ATP8B4: variants seen among roughly 807,000 people sequenced by gnomAD.
ATP8B4 encodes probable phospholipid-transporting ATPase IM.
Under a neutral mutation model 145.6 loss-of-function variants are expected in ATP8B4, and 133 were observed. The observed-to-expected ratio is 0.91, with a 90% CI of 0.79 to 1.05. ATP8B4 has a LOEUF of 1.05. Ranked by LOEUF, ATP8B4 falls within the 50% of genes least tolerant of loss-of-function variation. ATP8B4 has a pLI of 0.00. For missense variants in ATP8B4, 1,458 were observed against 1,425.2 expected (o/e 1.02, Z -0.37); for synonymous variants, 507 against 492.9 (o/e 1.03, Z -0.38).
intron 1 of ATP8B4, among the ~76,000 whole-genome samples, chr15:50,133,185 G>A (rs903704789): frequency 6.6e-6 from 1 of 152,120 alleles, no homozygotes; most frequent in African/African-American, 2.4e-5. Flanking sequence ...CCTTCCATTT[G>A]TGACAACCTA....
At chr15:50,117,239 G>T (rs909573556) in intron 1 of ATP8B4, among the ~76,000 whole-genome samples, 7 of 151,898 alleles carry the variant, frequency 4.6e-5, no homozygotes, top group Non-Finnish European at 8.8e-5. Context: ...TAGTAGAGAG[G>T]GCGTTTCATC....
At chr15:50,167,074 T>C (rs760531564) in intron 1 of ATP8B4, among the ~76,000 whole-genome samples, 5 of 152,364 alleles carry the variant, frequency 3.3e-5, no homozygotes, top group Non-Finnish European at 5.9e-5. Context: ...TTCAGTGAAA[T>C]AGTTACAGCC....
At chr15:50,092,696 C>T (rs1368918355) in intron 2 of ATP8B4, among the ~76,000 whole-genome samples, 2 of 151,768 alleles carry the variant, frequency 1.3e-5, no homozygotes, top group African/African-American at 4.8e-5. Flanking sequence ...TTTAAAATTT[C>T]AGAAAAGAGC....
chr15:50,135,773 G>A (rs2044113947), intron 1 of ATP8B4, among the ~76,000 whole-genome samples: 1 of 152,132 alleles, frequency 6.6e-6, no homozygotes, highest in Admixed American at 6.5e-5. Flanking sequence ...GTACCATAAA[G>A]AGAAATGTCC....
In ATP8B4 at chr15:49,931,278, C is replaced by A. The variant is rs774366428; in HGVS notation, c.1483G>T (p.Asp495Tyr). 1 of 1,612,498 alleles carries A rather than the reference C, an allele frequency of 6.2e-7. No homozygotes were observed. Among genetic ancestry groups the A allele is most frequent in the Admixed American group, 1.7e-5 (1 of 59,820 alleles). The change falls in exon 16 of 28, where the codon GAT becomes TAT. Residue 495 changes from aspartate to tyrosine, a missense_variant. Transcript: ENST00000284509. ...GCGGCAGTCACTAGAGCCCCTTCAT[C>A]AGGTGACTGAACTTGGTAAATCAGC... ...GELIYQVQSPDEGALVTAARN... is the reference protein window; with the variant it reads ...GELIYQVQSPYEGALVTAARN...
chr15:50,180,851 GAGGCT>G (rs1567422240), intron 1 of ATP8B4, among the ~76,000 whole-genome samples: 36 of 152,266 alleles, frequency 2.4e-4, no homozygotes, highest in African/African-American at 8.7e-4. Flanking sequence ...ATACGAAAAG[GAGGCT>G]AAAAAACGGC....
intron 1 of ATP8B4, among the ~76,000 whole-genome samples, chr15:50,117,724 T>A (rs1409916699): frequency 6.6e-6 from 1 of 152,206 alleles, no homozygotes; most frequent in African/African-American, 2.4e-5. Flanking sequence ...TGCAGCACTA[T>A]TCACAATAGC....
At chr15:50,033,418 T>C (rs28463188) in intron 6 of ATP8B4, among the ~76,000 whole-genome samples, 5,582 of 152,134 alleles carry the variant, frequency 0.037, 363 homozygotes, top group African/African-American at 0.13. Flanking sequence ...GAAGTAAAAA[T>C]GTTAAGAAGT....
At chr15:50,045,992 T>C (rs1457677282) in intron 4 of ATP8B4, among the ~76,000 whole-genome samples, 1 of 152,232 alleles carries the variant, frequency 6.6e-6, no homozygotes, top group Non-Finnish European at 1.5e-5. Context: ...TTTGTTTTTG[T>C]TTTCCTGATC....
intron 25 of ATP8B4, among the ~76,000 whole-genome samples, chr15:49,872,278 AC>A (rs1022199333): frequency 2.6e-5 from 4 of 152,046 alleles, no homozygotes; most frequent in Admixed American, 2.6e-4. Flanking sequence ...AATCCCTTAT[AC>A]CTTTGGGGCC....
chr15:49,981,442 C>T (rs2153534960), intron 10 of ATP8B4, 148 bp from the exon 11 acceptor site: 1 of 605,394 alleles, frequency 1.7e-6, no homozygotes, highest in Non-Finnish European at 2.8e-6. Flanking sequence ...TTAAGTTGTA[C>T]ATGATTCTCA....
At chr15:49,878,804 C>G (rs569231225) in intron 24 of ATP8B4, among the ~76,000 whole-genome samples, 1 of 152,214 alleles carries the variant, frequency 6.6e-6, no homozygotes, top group African/African-American at 2.4e-5. Flanking sequence ...GCAGACTGCT[C>G]TACTGGTCTG....
intron 2 of ATP8B4, among the ~76,000 whole-genome samples, chr15:50,085,228 C>G (rs2054820668): frequency 6.6e-6 from 1 of 152,144 alleles, no homozygotes; most frequent in Non-Finnish European, 1.5e-5. Flanking sequence ...ACAGTTCATC[C>G]CAAGGAGTAG....
At chr15:50,119,814 T>TAAGCA (rs1342156848), upstream of ATP8B4, among the ~76,000 whole-genome samples, 3 of 135,626 alleles carry the variant, frequency 2.2e-5, no homozygotes, top group Non-Finnish European at 4.6e-5. Context: ...GGATGAAAGC[T>TAAGCA]AAGCATACTC....
chr15:49,972,497 G>T, intron 13 of ATP8B4, 85 bp downstream of exon 13: 1 of 1,342,868 alleles, frequency 7.4e-7, no homozygotes. Flanking sequence ...CGACTGTTTT[G>T]GATTTTTAAA....
chr15:49,928,249 G>A lies in ATP8B4; in HGVS notation c.1642+2870C>T, dbSNP rs141807139. On this transcript the variant is annotated intron_variant, in intron 16 of 27. Coordinates refer to ENST00000284509, the MANE Select transcript of ATP8B4 (RefSeq NM_024837.4). ...ACAAGGCATTCTGGGGAACACAGAA[G>A]AATGTGGTTATTTGGAGAATAGAAA... Among the ~76,000 whole-genome samples, 3 of 152,238 alleles carry A rather than the reference G, an allele frequency of 2.0e-5. No homozygotes were observed. The East Asian group carries it at 5.8e-4, about 29-fold the overall frequency.
chr15:50,123,822 C>G (rs902110007), upstream of ATP8B4, among the ~76,000 whole-genome samples: 3 of 152,116 alleles, frequency 2.0e-5, no homozygotes, highest in Admixed American at 1.3e-4. Context: ...TTTTTTCATC[C>G]TGATCCAACC....
At chr15:50,177,397 TA>T (rs1467265720) in intron 1 of ATP8B4, among the ~76,000 whole-genome samples, 2 of 152,214 alleles carry the variant, frequency 1.3e-5, no homozygotes, top group Admixed American at 1.3e-4. Flanking sequence ...GAATTCTAGT[TA>T]CGAAGGCAAA....
chr15:50,098,527 T>C lies in ATP8B4; in HGVS notation c.28+8412A>G, dbSNP rs139773999. Among the ~76,000 whole-genome samples, 268 of 151,774 alleles carry C rather than the reference T, an allele frequency of 1.8e-3. 1 individual carries two copies. The highest frequency in any genetic ancestry group is 6.3e-3 in the African/African-American group (262 of 41,356). ...TCAAACTCCTGGCCTCAAGTGATCCTCCCACCTCAGCCTCCCAAAGCACTA... is the reference window on the plus strand; with the variant it reads ...TCAAACTCCTGGCCTCAAGTGATCCCCCCACCTCAGCCTCCCAAAGCACTA... On this transcript the variant is annotated intron_variant, in intron 2 of 27. Transcript: ENST00000284509.
Sources: gnomAD v4.1 joint callset for allele counts (sites outside exome capture counted in the v4.1 genomes callset) on GRCh38, gnomAD v4.1.1 for gene constraint, MANE v1.5 for transcripts, NCBI Gene and HGNC (gene_info 2026-07-23, HGNC 2026-07-21) for gene names.